The following IL1RAPL2 variants were observed in gnomAD, a reference collection of about 807,000 sequenced individuals.
IL1RAPL2 encodes interleukin 1 receptor accessory protein like 2, also known as X-linked interleukin-1 receptor accessory protein-like 2.
A neutral mutation model predicts 44.1 loss-of-function variants in IL1RAPL2; 3 were observed. The ratio of observed to expected loss-of-function variants is 0.07; its 90% confidence interval spans 0.03 to 0.18. The LOEUF is 0.18. Ranked by LOEUF, IL1RAPL2 falls within the 10% of genes least tolerant of loss-of-function variation. The probability of loss-of-function intolerance (pLI) is 1.00; values close to 1 mark genes in which losing one functional copy is unlikely to be tolerated. For synonymous variants in IL1RAPL2, 181 were observed against 178.8 expected, an observed-to-expected ratio of 1.01 and a Z score of -0.10; for missense variants, 391 against 496.4, an observed-to-expected ratio of 0.79 and a Z score of 2.02.
intron 2 of IL1RAPL2, among the ~76,000 whole-genome samples, chrX:104,911,816 G>A (rs1924247340): frequency 9.0e-6 from 1 of 111,702 alleles, no homozygotes; most frequent in Admixed American, 9.5e-5. Context: ...TCTTCTTCCT[G>A]TTATTTGAAG....
intron 2 of IL1RAPL2, among the ~76,000 whole-genome samples, chrX:105,034,150 T>G (rs186976529): frequency 2.5e-3 from 275 of 111,685 alleles, no homozygotes; most frequent in African/African-American, 7.5e-3. Context: ...AGTTTTTAAC[T>G]TCTTTGCCAT....
intron 5 of IL1RAPL2, among the ~76,000 whole-genome samples, chrX:105,431,860 A>G (rs2035849947): frequency 9.0e-6 from 1 of 111,473 alleles, no homozygotes; most frequent in Admixed American, 9.6e-5. Context: ...TTTCAGAGAG[A>G]GAAGAGAGAC....
chrX:105,284,580 G>A (rs2034556858), intron 5 of IL1RAPL2, among the ~76,000 whole-genome samples: 1 of 111,960 alleles, frequency 8.9e-6, no homozygotes, highest in African/African-American at 3.2e-5. Flanking sequence ...GTACAATGAA[G>A]GGAGAATAAA....
At chrX:105,162,936 T>C (rs1287549738) in intron 2 of IL1RAPL2, among the ~76,000 whole-genome samples, 5 of 111,277 alleles carry the variant, frequency 4.5e-5, no homozygotes, top group Admixed American at 2.9e-4. Context: ...AATTCCATCA[T>C]GTTGGGAGTT....
At chrX:105,219,056 A>G (rs2033903788) in intron 3 of IL1RAPL2, 1 of 1,210,915 alleles carries the variant, frequency 8.3e-7, no homozygotes, top group South Asian at 1.8e-5. Flanking sequence ...GGGCAGTCCC[A>G]GTCCCCTGGC....
intron 1 of IL1RAPL2, among the ~76,000 whole-genome samples, chrX:104,578,776 G>T (rs995389197): frequency 9.0e-6 from 1 of 111,131 alleles, no homozygotes; most frequent in African/African-American, 3.3e-5. Context: ...GGGGGCACTT[G>T]GTTATAGAGA....
intron 2 of IL1RAPL2, among the ~76,000 whole-genome samples, chrX:104,926,990 A>G (rs1044598969): frequency 9.0e-6 from 1 of 111,224 alleles, no homozygotes; most frequent in East Asian, 2.8e-4. Context: ...TGGGAAAATT[A>G]CTCTCTGGAT....
intron 8 of IL1RAPL2, among the ~76,000 whole-genome samples, chrX:105,745,021 G>T (rs1252859281): frequency 1.8e-5 from 2 of 111,211 alleles, no homozygotes; most frequent in African/African-American, 3.3e-5. Context: ...AAACACCTTA[G>T]ACTGGGTAAT....
rs180900978 is a variant in IL1RAPL2, at chrX:105,334,029, C to T, written c.697+66488C>T. Among the ~76,000 whole-genome samples, 119 of 111,796 alleles carry T rather than the reference C, an allele frequency of 1.1e-3. 1 individual carries two copies. Among genetic ancestry groups the T allele is most frequent in the Non-Finnish European group, 2.0e-3 (104 of 53,040 alleles). On this transcript the variant is annotated intron_variant, in intron 5 of 10. Transcript: ENST00000372582. ...CAGCAATCCCACTGCTGGTATATAT[C>T]CAAAAGAAAGGAAATCAGTATATCA...
chrX:104,851,154 TG>T (rs1163835519), intron 2 of IL1RAPL2, among the ~76,000 whole-genome samples: 1 of 111,280 alleles, frequency 9.0e-6, no homozygotes, highest in African/African-American at 3.3e-5. Flanking sequence ...CCATTTAGAA[TG>T]GTTATTTTTG....
At chrX:105,739,715 A>T (rs1018692279) in intron 7 of IL1RAPL2, among the ~76,000 whole-genome samples, 1 of 104,396 alleles carries the variant, frequency 9.6e-6, no homozygotes, top group Non-Finnish European at 2.0e-5. Flanking sequence ...TCCATGGTGT[A>T]TATGTGCCAC....
intron 6 of IL1RAPL2, among the ~76,000 whole-genome samples, chrX:105,595,104 A>G (rs2037198633): frequency 8.9e-6 from 1 of 112,077 alleles, no homozygotes; most frequent in Non-Finnish European, 1.9e-5. Flanking sequence ...CCATTTTAAC[A>G]ATAGCACAGA....
At chrX:104,745,618 A>G (rs1422713108) in intron 2 of IL1RAPL2, among the ~76,000 whole-genome samples, 2 of 112,147 alleles carry the variant, frequency 1.8e-5, no homozygotes, top group Non-Finnish European at 3.8e-5. Flanking sequence ...GCGTTTAACA[A>G]AAGTCACAGC....
chrX:105,605,981 A>T (rs891870655), intron 6 of IL1RAPL2, among the ~76,000 whole-genome samples: 1 of 111,789 alleles, frequency 8.9e-6, no homozygotes, highest in South Asian at 3.7e-4. Context: ...TCAAACTTCA[A>T]ACCATAAAAC....
At chrX:105,291,941 G>A (rs1046278802) in intron 5 of IL1RAPL2, among the ~76,000 whole-genome samples, 2 of 110,934 alleles carry the variant, frequency 1.8e-5, no homozygotes, top group Non-Finnish European at 3.8e-5. Flanking sequence ...CTTATATGGA[G>A]CACCAACTTT....
chrX:104,768,470 G>T (rs886349390), intron 2 of IL1RAPL2, among the ~76,000 whole-genome samples: 16 of 111,519 alleles, frequency 1.4e-4, no homozygotes, highest in African/African-American at 3.3e-4. Flanking sequence ...GGGTTTTCAT[G>T]ATTGGGACCC....
chrX:105,046,836 T>TTTTGG (rs1556036881), intron 2 of IL1RAPL2, among the ~76,000 whole-genome samples: 3 of 99,390 alleles, frequency 3.0e-5, no homozygotes, highest in African/African-American at 1.1e-4. Context: ...TTTTTTTTTT[T>TTTTGG]GGGGGGGTGC....
At chrX:104,584,503 C>T (rs1602630682) in intron 1 of IL1RAPL2, among the ~76,000 whole-genome samples, 3 of 109,141 alleles carry the variant, frequency 2.7e-5, no homozygotes, top group Non-Finnish European at 5.7e-5. Flanking sequence ...ACTAAAGGAT[C>T]TCCTTTTGGG....
chrX:104,588,404 T>G (rs1057488355), intron 1 of IL1RAPL2, among the ~76,000 whole-genome samples: 1 of 111,664 alleles, frequency 9.0e-6, no homozygotes, highest in African/African-American at 3.3e-5. Context: ...GATCATCCCC[T>G]GGCTGTGTTG....
Sources: allele counts gnomAD v4.1 joint callset (sites outside exome capture counted in the v4.1 genomes callset), GRCh38; gene constraint gnomAD v4.1.1; transcripts MANE v1.5; gene names NCBI Gene and HGNC (gene_info 2026-07-23, HGNC 2026-07-21).